PCDH15: variants seen among roughly 807,000 people sequenced by gnomAD.
PCDH15 encodes the protein protocadherin-15.
PCDH15 carries 129 observed loss-of-function variants against 178.5 expected under a neutral mutation model. That is an observed-to-expected ratio of 0.72 (90% CI 0.63 to 0.84). The LOEUF (loss-of-function observed/expected upper bound fraction) is 0.84. Ranked by LOEUF, PCDH15 falls within the 40% of genes least tolerant of loss-of-function variation. The pLI is 0.00. For synonymous variants in PCDH15, 800 were observed against 732.0 expected (o/e 1.09, Z -1.50); for missense variants, 2,230 against 2,099.9 (o/e 1.06, Z -1.21).
intron 2 of PCDH15, among the ~76,000 whole-genome samples, chr10:55,394,226 T>A (rs991016749): frequency 6.6e-6 from 1 of 151,626 alleles, no homozygotes; most frequent in Non-Finnish European, 1.5e-5. Context: ...TAACACTATT[T>A]TTTTTTATGT....
chr10:54,533,371 A>G (rs1003345880), intron 2 of PCDH15, among the ~76,000 whole-genome samples: 4 of 152,286 alleles, frequency 2.6e-5, no homozygotes, highest in Admixed American at 1.3e-4. Context: ...AGCAGATGTG[A>G]AAGGCTACCA....
chr10:54,938,351 T>C (rs1354776240), intron 2 of PCDH15, among the ~76,000 whole-genome samples: 1 of 150,508 alleles, frequency 6.6e-6, no homozygotes. Context: ...TTAAGTGAAA[T>C]TTTTTTGTCT....
chr10:55,014,128 G>A (rs1840113560), intron 2 of PCDH15, among the ~76,000 whole-genome samples: 1 of 152,022 alleles, frequency 6.6e-6, no homozygotes, highest in African/African-American at 2.4e-5. Flanking sequence ...TTGCATAAAT[G>A]AGAAAGTAGT....
At chr10:54,527,220 G>GA (rs975089406) in intron 3 of PCDH15, among the ~76,000 whole-genome samples, 1 of 152,000 alleles carries the variant, frequency 6.6e-6, no homozygotes, top group Admixed American at 6.6e-5. Flanking sequence ...TAATGATAAG[G>GA]AAAAAAAGTT....
intron 2 of PCDH15, among the ~76,000 whole-genome samples, chr10:54,620,907 TAAAAG>T (rs1394644985): frequency 6.6e-6 from 1 of 151,888 alleles, no homozygotes. Flanking sequence ...TCCTGAAACA[TAAAAG>T]AAGATTTATT....
chr10:55,330,299 GC>G (rs1844166410), intron 2 of PCDH15, among the ~76,000 whole-genome samples: 2 of 151,526 alleles, frequency 1.3e-5, no homozygotes, highest in Admixed American at 6.6e-5. Flanking sequence ...TATTTGCCTC[GC>G]TTTTGACAGT....
At chr10:54,635,844 C>T (rs2093838348) in intron 2 of PCDH15, among the ~76,000 whole-genome samples, 1 of 151,726 alleles carries the variant, frequency 6.6e-6, no homozygotes, top group Non-Finnish European at 1.5e-5. Flanking sequence ...AGGTGACCTC[C>T]ACGAGTTCAC....
intron 8 of PCDH15, among the ~76,000 whole-genome samples, chr10:54,255,148 T>A (rs546341407): frequency 7.2e-5 from 11 of 152,326 alleles, no homozygotes; most frequent in African/African-American, 2.2e-4. Flanking sequence ...AGACTTTTTT[T>A]ATGTACAAAA....
intron 28 of PCDH15, among the ~76,000 whole-genome samples, chr10:53,851,202 ACCAT>A (rs1267091925): frequency 6.6e-6 from 1 of 152,116 alleles, no homozygotes; most frequent in Non-Finnish European, 1.5e-5. Context: ...GCTTTCTTTA[ACCAT>A]CCTATTTAAA....
At chr10:54,743,007 G>A (rs74607059) in intron 1 of PCDH15, among the ~76,000 whole-genome samples, 1 of 151,936 alleles carries the variant, frequency 6.6e-6, no homozygotes, top group Non-Finnish European at 1.5e-5. Flanking sequence ...GAAAAAAGAA[G>A]GGATAGGTGT....
intron 8 of PCDH15, among the ~76,000 whole-genome samples, chr10:54,295,581 G>A (rs2059701194): frequency 6.6e-6 from 1 of 152,156 alleles, no homozygotes; most frequent in Admixed American, 6.5e-5. Context: ...CTGGAAAGAA[G>A]AAACTCTGGA....
chr10:54,035,006 T>G (rs1218686859), intron 18 of PCDH15, among the ~76,000 whole-genome samples: 3 of 151,868 alleles, frequency 2.0e-5, no homozygotes, highest in African/African-American at 2.4e-5. Context: ...GAAACTTCAT[T>G]TGGATGCCAT....
intron 2 of PCDH15, among the ~76,000 whole-genome samples, chr10:55,114,313 A>T (rs923437419): frequency 6.6e-6 from 1 of 152,164 alleles, no homozygotes; most frequent in South Asian, 2.1e-4. Flanking sequence ...GACTAATAAA[A>T]CTACGTTCTT....
intron 3 of PCDH15, among the ~76,000 whole-genome samples, chr10:54,515,260 C>T (rs1050874381): frequency 2.0e-5 from 3 of 152,172 alleles, no homozygotes; most frequent in South Asian, 2.1e-4. Context: ...CCTGGAAAAT[C>T]GGGTCACTCC....
chr10:54,690,721 A>G (rs1431599873), intron 1 of PCDH15, among the ~76,000 whole-genome samples: 1 of 152,134 alleles, frequency 6.6e-6, no homozygotes, highest in East Asian at 1.9e-4. Flanking sequence ...ACCAGTAATA[A>G]CTATAATAAG....
At chr10:55,601,703 G>C (rs1325656974) in intron 2 of PCDH15, among the ~76,000 whole-genome samples, 1 of 152,012 alleles carries the variant, frequency 6.6e-6, no homozygotes, top group Non-Finnish European at 1.5e-5. Context: ...GTTGAATTAA[G>C]GTAGCAGGAA....
At chr10:55,506,842 A>G (rs1336355135) in intron 2 of PCDH15, among the ~76,000 whole-genome samples, 3 of 151,570 alleles carry the variant, frequency 2.0e-5, no homozygotes, top group Non-Finnish European at 4.4e-5. Context: ...CAAATCAAAT[A>G]GATTTATTTT....
intron 6 of PCDH15, among the ~76,000 whole-genome samples, chr10:54,334,328 T>A (rs1384532286): frequency 6.6e-6 from 1 of 152,102 alleles, no homozygotes; most frequent in African/African-American, 2.4e-5. Flanking sequence ...GCCACACACA[T>A]TCACATTCAA....
intron 1 of PCDH15, among the ~76,000 whole-genome samples, chr10:54,728,813 A>G (rs1942942371): frequency 6.6e-6 from 1 of 151,536 alleles, no homozygotes; most frequent in Non-Finnish European, 1.5e-5. Context: ...CAAGAGCACA[A>G]TTGCATTCAT....
Sources: allele counts gnomAD v4.1 joint callset (sites outside exome capture counted in the v4.1 genomes callset), GRCh38; gene constraint gnomAD v4.1.1; transcripts MANE v1.5; gene names NCBI Gene and HGNC (gene_info 2026-07-23, HGNC 2026-07-21).